HPSE2: variants seen among roughly 807,000 people sequenced by gnomAD.
HPSE2 encodes the protein heparanase 2 (inactive).
Under a neutral mutation model 60.5 loss-of-function variants are expected in HPSE2, and 38 were observed. The observed-to-expected ratio is 0.63, with a 90% confidence interval of 0.48 to 0.82. The LOEUF is 0.82. HPSE2 is among the 40% of genes least tolerant of loss of function. The pLI, the probability that HPSE2 is intolerant of heterozygous loss-of-function variation, is 0.00. For synonymous variants in HPSE2, 295 were observed against 293.2 expected (o/e 1.01, Z -0.06); for missense variants, 713 against 740.4 (o/e 0.96, Z 0.43).
At chr10:99,108,047 T>C (rs1255459987) in intron 3 of HPSE2, among the ~76,000 whole-genome samples, 1 of 152,228 alleles carries the variant, frequency 6.6e-6, no homozygotes, top group Non-Finnish European at 1.5e-5. Context: ...AAACAGACTA[T>C]TCCTCTCTAG....
chr10:98,688,746 G>A (rs1206540453), intron 6 of HPSE2, among the ~76,000 whole-genome samples: 3 of 151,662 alleles, frequency 2.0e-5, no homozygotes, highest in Non-Finnish European at 2.9e-5. Flanking sequence ...AAAGTGTTGG[G>A]ATTACAGGCA....
At chr10:99,245,846 G>T in the HPSE2 span, among the ~76,000 whole-genome samples, 1 of 152,178 alleles carries the variant, frequency 6.6e-6, no homozygotes, top group Non-Finnish European at 1.5e-5. Context: ...TCAGTAAAGC[G>T]CTGAGTTTAA....
rs181954481 is a variant in HPSE2 at position 98,809,481 on chromosome 10, C to T, written c.611-65425G>A. ...GATAGCAACTTGATAAACAATAATG[C>T]TCCATTTTGGGTTTTACAAATTCTG... On this transcript the variant is annotated intron_variant, in intron 3 of 11. Coordinates refer to ENST00000370552, the MANE Select transcript of HPSE2 (RefSeq NM_021828.5). Among the ~76,000 whole-genome samples the T allele has an allele frequency of 3.0e-3, 462 of 152,024 alleles. 1 individual carries two copies. The highest frequency in any genetic ancestry group is 0.011 in the African/African-American group (443 of 41,506).
chr10:99,221,162 TG>T (rs1446521631), intron 2 of HPSE2, among the ~76,000 whole-genome samples: 2 of 152,140 alleles, frequency 1.3e-5, no homozygotes, highest in Non-Finnish European at 2.9e-5. Flanking sequence ...AGTTTTTATT[TG>T]ATGTACATAT....
At chr10:98,483,129 T>G (rs867395156) in intron 10 of HPSE2, among the ~76,000 whole-genome samples, 2 of 152,258 alleles carry the variant, frequency 1.3e-5, no homozygotes, top group Non-Finnish European at 2.9e-5. Flanking sequence ...AAAAGAAAAT[T>G]CCCCATAACC....
At chr10:98,879,014 T>C (rs903866139) in intron 3 of HPSE2, among the ~76,000 whole-genome samples, 4 of 151,982 alleles carry the variant, frequency 2.6e-5, no homozygotes, top group Admixed American at 1.3e-4. Context: ...AACGATGTCC[T>C]TTATCAAAGA....
intron 9 of HPSE2, among the ~76,000 whole-genome samples, chr10:98,532,725 A>T (rs1057108500): frequency 1.3e-5 from 2 of 152,216 alleles, no homozygotes; most frequent in Admixed American, 6.5e-5. Flanking sequence ...AGATGGTTTC[A>T]AAAGATTCTT....
At chr10:98,874,769 T>A (rs1254112189) in intron 3 of HPSE2, among the ~76,000 whole-genome samples, 1 of 152,078 alleles carries the variant, frequency 6.6e-6, no homozygotes. Flanking sequence ...GCTCTTATTA[T>A]TTTGAGGTAT....
At chr10:98,460,202 T>C (rs980501597) in intron 11 of HPSE2, among the ~76,000 whole-genome samples, 1 of 152,250 alleles carries the variant, frequency 6.6e-6, no homozygotes, top group African/African-American at 2.4e-5. Flanking sequence ...TTAAGATGAC[T>C]TCAGAAATCT....
At chr10:98,567,894 C>T (rs658346) in intron 9 of HPSE2, among the ~76,000 whole-genome samples, 129,043 of 151,816 alleles carry the variant, frequency 0.85, 56,075 homozygotes, top group East Asian at 1. Context: ...CAGGCCTTTG[C>T]GAACACAGCT....
intron 3 of HPSE2, among the ~76,000 whole-genome samples, chr10:99,137,135 T>C (rs1357911352): frequency 1.3e-5 from 2 of 152,128 alleles, no homozygotes; most frequent in African/African-American, 4.8e-5. Context: ...TGAACTCCCA[T>C]TCACAATTGC....
intron 3 of HPSE2, among the ~76,000 whole-genome samples, chr10:98,826,483 G>A (rs1951550749): frequency 6.6e-6 from 1 of 152,144 alleles, no homozygotes; most frequent in South Asian, 2.1e-4. Flanking sequence ...AAAGGTTGGG[G>A]TATATATCTC....
intron 9 of HPSE2, among the ~76,000 whole-genome samples, chr10:98,500,845 T>G (rs1942006551): frequency 6.6e-6 from 1 of 151,896 alleles, no homozygotes; most frequent in Non-Finnish European, 1.5e-5. Flanking sequence ...ATAACCTCAT[T>G]AAGAAATGAA....
intron 3 of HPSE2, among the ~76,000 whole-genome samples, chr10:98,968,987 T>C (rs1432497101): frequency 6.6e-6 from 1 of 152,064 alleles, no homozygotes; most frequent in Non-Finnish European, 1.5e-5. Flanking sequence ...CCAAAAACTA[T>C]TGAAATAAAA....
At chr10:98,601,859 G>C (rs1343401307) in intron 9 of HPSE2, among the ~76,000 whole-genome samples, 4 of 152,208 alleles carry the variant, frequency 2.6e-5, no homozygotes, top group Non-Finnish European at 5.9e-5. Flanking sequence ...TTGCTGAGTA[G>C]ATAAAGTCTT....
chr10:98,859,895 T>C (rs1383660329), intron 3 of HPSE2, among the ~76,000 whole-genome samples: 1 of 152,054 alleles, frequency 6.6e-6, no homozygotes, highest in Non-Finnish European at 1.5e-5. Context: ...AATTACTATA[T>C]ACAGTAAGAT....
Position 98,823,743 on chromosome 10 carries a change from AAAG to A in HPSE2, c.611-79690_611-79688del, listed in dbSNP as rs535528336. On this transcript the variant is annotated intron_variant, in intron 3 of 11. Coordinates refer to ENST00000370552, the MANE Select transcript of HPSE2 (RefSeq NM_021828.5). ...AATATAGCCTCAAAAATGCATTAAA[AAAG>A]AAAACAGCATACATAAACAAGTACA... Among the ~76,000 whole-genome samples the A allele has an allele frequency of 5.0e-3, 755 of 152,332 alleles. 12 individuals carry two copies. The highest frequency in any genetic ancestry group is 3.9e-3 in the Non-Finnish European group (263 of 68,024).
intron 9 of HPSE2, among the ~76,000 whole-genome samples, chr10:98,515,013 C>T (rs953231486): frequency 6.6e-6 from 1 of 152,096 alleles, no homozygotes; most frequent in Non-Finnish European, 1.5e-5. Context: ...CGTGAGCCAC[C>T]GCGCCCAGCC....
At chr10:98,828,580 C>T (rs775069948) in intron 3 of HPSE2, among the ~76,000 whole-genome samples, 11 of 151,978 alleles carry the variant, frequency 7.2e-5, no homozygotes, top group Non-Finnish European at 1.5e-4. Context: ...TACAAATGGC[C>T]AATAAGTACA....
Sources: allele counts gnomAD v4.1 joint callset (sites outside exome capture counted in the v4.1 genomes callset), GRCh38; gene constraint gnomAD v4.1.1; transcripts MANE v1.5; gene names NCBI Gene and HGNC (gene_info 2026-07-23, HGNC 2026-07-21).